Variants in HCN2 observed in about 807,000 individuals in gnomAD.
HCN2 encodes hyperpolarization activated cyclic nucleotide gated potassium and sodium channel 2, also known as potassium/sodium hyperpolarization-activated cyclic nucleotide-gated channel 2.
HCN2 carries 20 observed loss-of-function variants against 52.3 expected under a neutral mutation model. The observed-to-expected ratio is 0.38, with a 90% CI of 0.27 to 0.56. The LOEUF is 0.56. HCN2 is among the 20% of genes least tolerant of loss of function. The pLI, the probability that HCN2 is intolerant of heterozygous loss-of-function variation, is 0.71. For synonymous variants in HCN2, 694 were observed against 537.0 expected, an observed-to-expected ratio of 1.29 and a Z score of -4.04; for missense variants, 981 against 1,207.7, an observed-to-expected ratio of 0.81 and a Z score of 2.78.
rs757974536 is a variant in HCN2 at position 613,931 on chromosome 19, G to A, written c.1905G>A (p.Val635=). The A allele has an allele frequency of 8.2e-6, 13 of 1,580,554 alleles. No homozygotes were observed. Among genetic ancestry groups the A allele is most frequent in the South Asian group, 7.8e-5 (7 of 89,948 alleles). The part of the protein sequence containing the change: ...DTYCRLYSLS[V]DNFNEVLEEY... ...ACTGCCGCCTCTATTCGCTGAGCGT[G>A]GACAACTTCAACGAGGTGCTGGAGG... is the stretch of plus-strand genomic sequence containing the variant. Residue 635 remains valine, a synonymous_variant, in exon 7 of 8, where the codon GTG becomes GTA. Transcript: ENST00000251287.
chr19:607,139 C>T (rs1232027495), intron 3 of HCN2, among the ~76,000 whole-genome samples: 1 of 152,008 alleles, frequency 6.6e-6, no homozygotes, highest in Non-Finnish European at 1.5e-5. Flanking sequence ...CCACTGCACT[C>T]CAGCCTGGGC....
At position 613,504 on chromosome 19, in the gene HCN2, G is replaced by T. The variant is rs1021837507; in HGVS notation, c.1825+16G>T. On this transcript the variant is annotated intron_variant, in intron 6 of 7. Transcript: ENST00000251287. ...TACTTCGGGGGTGAGCTTGAGGGGG[G>T]CGCGCCTGGAGGGGGAGGGGGCACG... 4 of 1,555,750 alleles carry T rather than the reference G, an allele frequency of 2.6e-6. No individual in the cohort carries two copies. The highest frequency in any genetic ancestry group is 2.8e-5 in the African/African-American group (2 of 71,808).
intron 1 of HCN2, among the ~76,000 whole-genome samples, chr19:602,969 G>C: frequency 1.1e-5 from 1 of 94,832 alleles, no homozygotes; most frequent in Non-Finnish European, 2.4e-5. Flanking sequence ...GCACCGGCCT[G>C]AGCTGTGGGC....
chr19:602,633 T>C (rs1258949022), intron 1 of HCN2, among the ~76,000 whole-genome samples: 1 of 152,214 alleles, frequency 6.6e-6, no homozygotes, highest in Non-Finnish European at 1.5e-5. Context: ...CCCTGCTGCT[T>C]CCCAGTGCCC....
intron 1 of HCN2, among the ~76,000 whole-genome samples, chr19:600,243 G>T (rs1204360730): frequency 1.3e-5 from 2 of 152,134 alleles, no homozygotes; most frequent in African/African-American, 4.8e-5. Flanking sequence ...CACGATCTCG[G>T]CTCACTGCAA....
In HCN2 at chr19:616,936, C is replaced by T. The variant is rs1196124771; in HGVS notation, c.*462C>T. 2.4e-5 allele frequency: 9 copies of T among 381,824 alleles called. No individual in the cohort carries two copies. Among genetic ancestry groups the T allele is most frequent in the South Asian group, 4.8e-5 (2 of 41,724 alleles). The allele number at this position is 381,824 out of a possible 1,614,324, so 23.7% of individuals were successfully genotyped here. On this transcript the variant is annotated 3_prime_UTR_variant, in exon 8 of 8. Coordinates refer to ENST00000251287, the MANE Select transcript of HCN2 (RefSeq NM_001194.4). Reference sequence around the variant, plus strand: ...CGCAATAACCGGCCCGGCCCCCGTCCGCGCGCGTCCCCCGGTGACCTCGGG... The same window carrying T: ...CGCAATAACCGGCCCGGCCCCCGTCTGCGCGCGTCCCCCGGTGACCTCGGG...
chr19:615,788 C>T lies in HCN2; in HGVS notation c.1991-7C>T, dbSNP rs1156645331. 6.8e-6 allele frequency: 11 copies of T among 1,610,636 alleles called. 1 individual carries two copies. Among genetic ancestry groups the T allele is most frequent in the African/African-American group, 6.7e-5 (5 of 74,748 alleles). ...CTGTGCACACGCTAACGCCCCCTCT[C>T]CCGCAGGCAAGAAGAATTCCATCCT... On this transcript the variant is annotated splice_polypyrimidine_tract_variant and splice_region_variant and intron_variant, in intron 7 of 7. Coordinates refer to ENST00000251287, the MANE Select transcript of HCN2 (RefSeq NM_001194.4).
rs754417803 is a variant in HCN2, at chr19:613,868, C to T, written c.1842C>T (p.Thr614=). 55 of 1,588,054 alleles carry T rather than the reference C, an allele frequency of 3.5e-5. No homozygotes were observed. The East Asian group carries it at 3.9e-4, about 11-fold the overall frequency. ...CACGTGCAGAGATCTGCCTGCTCAC[C>T]CGGGGCCGCCGCACGGCGAGCGTGC... is the stretch of plus-strand genomic sequence containing the variant. The part of the protein sequence containing the change: ...GSYFGEICLL[T]RGRRTASVRA... The change falls in exon 7 of 8, where the codon ACC becomes ACT. Residue 614 remains threonine (T), a synonymous_variant. Transcript: ENST00000251287.
In HCN2 at chr19:610,318, G is replaced by A. The variant is rs1197461105; in HGVS notation, c.1497G>A (p.Lys499=). The change falls in exon 5 of 8, where the codon AAG becomes AAA. Residue 499 remains lysine (K), a synonymous_variant. Coordinates refer to ENST00000251287, the MANE Select transcript of HCN2 (RefSeq NM_001194.4). Reference sequence around the variant, plus strand: ...AGCTGCCAGCTGACTTCCGCCAGAAGATCCACGACTACTATGAGCACCGTT... The same window carrying A: ...AGCTGCCAGCTGACTTCCGCCAGAAAATCCACGACTACTATGAGCACCGTT... ...FHKLPADFRQ[K]IHDYYEHRYQ... 1.9e-6 allele frequency: 3 copies of A among 1,613,864 alleles called. No individual in the cohort carries two copies. The highest frequency in any genetic ancestry group is 1.7e-5 in the Admixed American group (1 of 60,016).
intron 7 of HCN2, among the ~76,000 whole-genome samples, chr19:615,383 G>A (rs1348591005): frequency 5.3e-5 from 8 of 152,052 alleles, no homozygotes; most frequent in Non-Finnish European, 8.8e-5. Context: ...GTGTGGTGGC[G>A]GGCGCCTGTA....
chr19:615,827 C>T lies in HCN2; in HGVS notation c.2023C>T (p.Gln675Ter). The change falls in exon 8 of 8, where the codon CAG becomes TAG. Residue 675 changes from glutamine to a stop codon, truncating the protein, a stop_gained. Transcript: ENST00000251287. LOFTEE classifies it low-confidence loss of function (END_TRUNC). ...KKNSILLHKV[Q>*]HDLNSGVFNN... Reference sequence around the variant, plus strand: ...GAATTCCATCCTCCTGCACAAGGTGCAGCATGACCTCAACTCGGGCGTATT... The same window carrying T: ...GAATTCCATCCTCCTGCACAAGGTGTAGCATGACCTCAACTCGGGCGTATT... 1 of 1,612,526 alleles carries T rather than the reference C, an allele frequency of 6.2e-7. No homozygotes were observed. The highest frequency in any genetic ancestry group is 8.5e-7 in the Non-Finnish European group (1 of 1,179,728).
chr19:597,485 G>A (rs1018818310), intron 1 of HCN2, among the ~76,000 whole-genome samples: 2 of 151,858 alleles, frequency 1.3e-5, no homozygotes, highest in African/African-American at 4.8e-5. Flanking sequence ...TGGTTTCTAG[G>A]TCTCCTTGGC....
intron 1 of HCN2, among the ~76,000 whole-genome samples, chr19:593,865 AGAAG>A (rs1568360733): frequency 6.6e-6 from 1 of 152,186 alleles, no homozygotes. Flanking sequence ...GTGAAAACCA[AGAAG>A]GAAGGGGTTT....
At chr19:612,707 G>GC (rs1305237556) in intron 5 of HCN2, among the ~76,000 whole-genome samples, 2 of 150,742 alleles carry the variant, frequency 1.3e-5, no homozygotes, top group African/African-American at 4.9e-5. Context: ...GAGCCACCAC[G>GC]CCCGGCCTTA....
At chr19:597,425 T>C (rs895349017) in intron 1 of HCN2, among the ~76,000 whole-genome samples, 22 of 152,382 alleles carry the variant, frequency 1.4e-4, no homozygotes, top group Admixed American at 1.4e-3. Context: ...CTTCATGTTA[T>C]ATGGCCGTTT....
chr19:590,488 G>T lies in HCN2; in HGVS notation c.543G>T (p.Arg181=). 6.6e-7 allele frequency: 1 copy of T among 1,524,786 alleles called. No individual in the cohort carries two copies. The highest frequency in any genetic ancestry group is 8.8e-7 in the Non-Finnish European group (1 of 1,131,578). 94.5% of individuals were successfully genotyped at this position (1,524,786 alleles called of 1,614,324 possible). The change falls in exon 1 of 8, where the codon CGG becomes CGT. Residue 181 remains arginine (R), a synonymous_variant. Transcript: ENST00000251287. The surrounding 1 kb of genome is among the most constrained non-coding windows in gnomAD (Gnocchi z 7.2). ...CGGGCGTCAACAAGTTCTCGCTGCG[G>T]ATGTTCGGCAGCCAGAAGGCCGTGG... ...LQPGVNKFSL[R]MFGSQKAVER...
Position 616,368 on chromosome 19 carries a change from G to T in HCN2, c.2564G>T (p.Arg855Leu). Residue 855 changes from arginine to leucine, a missense_variant, in exon 8 of 8, where the codon CGG becomes CTG. Physicochemically the swap from Arg to Leu is moderately radical, Grantham distance 102. Coordinates refer to ENST00000251287, the MANE Select transcript of HCN2 (RefSeq NM_001194.4). ...CGCTTGGGGCCCACGCCCGCTGCCC[G>T]GGCCGCCGCGCCCAGCCCGGACCGC... ...TPRLGPTPAA[R>L]AAAPSPDRRD... 8.2e-7 allele frequency: 1 copy of T among 1,223,036 alleles called. No individual in the cohort carries two copies. The highest frequency in any genetic ancestry group is 1.0e-6 in the Non-Finnish European group (1 of 971,788). The allele number at this position is 1,223,036 out of a possible 1,614,324, so 75.8% of individuals were successfully genotyped here. A position where few individuals can be genotyped will look rare whatever the true frequency, so the allele number is the denominator to read the frequency against.
At chr19:610,541 TAC>T (rs1983584010) in intron 5 of HCN2, 136 bp downstream of exon 5, 1 of 728,898 alleles carries the variant, frequency 1.4e-6, no homozygotes. Context: ...TAGACCTGCG[TAC>T]ACACCCTCCC....
intron 5 of HCN2, among the ~76,000 whole-genome samples, chr19:610,917 C>T (rs1282420617): frequency 6.6e-6 from 1 of 152,186 alleles, no homozygotes; most frequent in Non-Finnish European, 1.5e-5. Flanking sequence ...CCGTGCTACC[C>T]CCCCGGAGCC....
Sources: allele counts gnomAD v4.1 joint callset (sites outside exome capture counted in the v4.1 genomes callset), GRCh38; gene constraint gnomAD v4.1.1; non-coding constraint Gnocchi (gnomAD v3.1); transcripts MANE v1.5; gene names NCBI Gene and HGNC (gene_info 2026-07-23, HGNC 2026-07-21).